The following CAMTA1 variants were observed in gnomAD, a reference collection of about 807,000 sequenced individuals.
CAMTA1 encodes the protein calmodulin binding transcription activator 1.
In CAMTA1, 27 loss-of-function variants were observed where a neutral mutation model predicts 170.9. The ratio of observed to expected loss-of-function variants is 0.16; its 90% confidence interval spans 0.12 to 0.22. CAMTA1 has a LOEUF of 0.22. Ranked by LOEUF, CAMTA1 falls within the 10% of genes least tolerant of loss-of-function variation. The pLI, the probability that CAMTA1 is intolerant of heterozygous loss-of-function variation, is 1.00. For synonymous variants in CAMTA1, 833 were observed against 891.5 expected (o/e 0.93, Z 1.17); for missense variants, 1,619 against 2,217.2 (o/e 0.73, Z 5.42).
At chr1:7,282,717 G>A (rs1671694860) in intron 5 of CAMTA1, among the ~76,000 whole-genome samples, 1 of 152,154 alleles carries the variant, frequency 6.6e-6, no homozygotes, top group South Asian at 2.1e-4. Context: ...AGCCTGCAGT[G>A]AGGGAGGGAA....
Position 7,673,944 on chromosome 1 carries a change from A to G in CAMTA1, c.2779+2907A>G, listed in dbSNP as rs2096085668. Among the ~76,000 whole-genome samples the G allele has an allele frequency of 2.0e-5, 3 of 152,216 alleles. No homozygotes were observed. Among genetic ancestry groups the G allele is most frequent in the African/African-American group, 7.2e-5 (3 of 41,538 alleles). ...GGGCTCTCGGTCCAGGGAGGAGTGC[A>G]GTGCGCAAATGAATCACTGCTCCGG... On this transcript the variant is annotated intron_variant, in intron 10 of 22. Transcript: ENST00000303635. This position sits in a 1 kb window ranked among gnomAD's most constrained non-coding sequence, Gnocchi z 4.6.
chr1:7,204,506 T>C (rs1285379914), intron 4 of CAMTA1, among the ~76,000 whole-genome samples: 2 of 152,198 alleles, frequency 1.3e-5, no homozygotes, highest in Non-Finnish European at 2.9e-5. Context: ...AATTTCATTG[T>C]CATTAGAAGA....
intron 3 of CAMTA1, among the ~76,000 whole-genome samples, chr1:6,978,991 C>T (rs1244172075): frequency 1.3e-5 from 2 of 152,134 alleles, no homozygotes; most frequent in Non-Finnish European, 2.9e-5. Flanking sequence ...CTGGGGAGCT[C>T]GCTCTCCCTT....
intron 5 of CAMTA1, among the ~76,000 whole-genome samples, chr1:7,413,906 C>G (rs955736746): frequency 2.0e-5 from 3 of 152,180 alleles, no homozygotes; most frequent in Non-Finnish European, 4.4e-5. Context: ...TCATAGATAA[C>G]TCTTATGATT....
chr1:6,870,040 CATAGAG>C (rs1186962334), intron 3 of CAMTA1, among the ~76,000 whole-genome samples: 4 of 152,178 alleles, frequency 2.6e-5, no homozygotes, highest in Non-Finnish European at 5.9e-5. Flanking sequence ...GAAGGAGGTA[CATAGAG>C]ATAATTGATT....
chr1:7,038,678 A>AGG (rs1418412310), intron 3 of CAMTA1, among the ~76,000 whole-genome samples: 1 of 152,218 alleles, frequency 6.6e-6, no homozygotes, highest in Non-Finnish European at 1.5e-5. Flanking sequence ...TAGAGTTCAC[A>AGG]GTTTGTTCAT....
intron 11 of CAMTA1, among the ~76,000 whole-genome samples, chr1:7,729,323 T>G (rs1188382769): frequency 1.3e-5 from 2 of 152,270 alleles, no homozygotes; most frequent in East Asian, 3.9e-4. Context: ...TTTCACCATG[T>G]TGGCCAGGCT....
At position 7,733,021 on chromosome 1, in the gene CAMTA1, CTG is replaced by C. The variant is rs200277300; in HGVS notation, c.3066+424_3066+425del. Among the ~76,000 whole-genome samples the C allele has an allele frequency of 9.4e-3, 1,427 of 152,128 alleles. 16 individuals are homozygous for C. The highest frequency in any genetic ancestry group is 0.032 in the African/African-American group (1,320 of 41,474). On this transcript the variant is annotated intron_variant, in intron 12 of 22. Transcript: ENST00000303635. Reference sequence around the variant, plus strand: ...CCAGCCTGAGCAACATACTGAGACCCTGTCTCTATAGAAAAAAAAAATTTTTT... The same window carrying C: ...CCAGCCTGAGCAACATACTGAGACCCTCTCTATAGAAAAAAAAAATTTTTT...
chr1:7,710,876 A>T (rs2096565526), intron 11 of CAMTA1, among the ~76,000 whole-genome samples: 1 of 152,124 alleles, frequency 6.6e-6, no homozygotes, highest in Admixed American at 6.5e-5. Context: ...CTGTAGTTCC[A>T]GGAAATGTCT....
chr1:7,736,310 T>G lies in CAMTA1; in HGVS notation c.3067-34T>G. The G allele has an allele frequency of 6.3e-7, 1 of 1,599,914 alleles. No individual in the cohort carries two copies. The highest frequency in any genetic ancestry group is 8.5e-7 in the Non-Finnish European group (1 of 1,171,194). ...CGCTGATGGGGTCGAGGGCCTTTAG[T>G]CCTGAGGTCGTAACGTGCGCTTTTT... On this transcript the variant is annotated intron_variant, in intron 12 of 22. Coordinates refer to ENST00000303635, the MANE Select transcript of CAMTA1 (RefSeq NM_015215.4). This position sits in a 1 kb window ranked among gnomAD's most constrained non-coding sequence, Gnocchi z 4.5.
chr1:6,924,386 C>T (rs991218081), intron 3 of CAMTA1, among the ~76,000 whole-genome samples: 6 of 152,014 alleles, frequency 3.9e-5, no homozygotes, highest in African/African-American at 9.7e-5. Context: ...GCTTGCTGAG[C>T]GGACCTTGAG....
intron 6 of CAMTA1, among the ~76,000 whole-genome samples, chr1:7,600,776 T>C (rs2095434324): frequency 1.3e-5 from 2 of 152,000 alleles, no homozygotes; most frequent in Non-Finnish European, 2.9e-5. Flanking sequence ...ACAGCACATG[T>C]TTCAGAGAGC....
chr1:6,847,827 C>G (rs1232109387), intron 3 of CAMTA1, among the ~76,000 whole-genome samples: 1 of 151,810 alleles, frequency 6.6e-6, no homozygotes, highest in African/African-American at 2.4e-5. Context: ...TCTCAGCCTC[C>G]TGAGTAGCTG....
intron 7 of CAMTA1, among the ~76,000 whole-genome samples, chr1:7,643,379 G>A (rs140882157): frequency 2.6e-5 from 4 of 152,242 alleles, no homozygotes; most frequent in Non-Finnish European, 5.9e-5. Flanking sequence ...AGCCAAGGAG[G>A]TTCTCCCAAG....
chr1:6,881,385 A>G (rs915872472), intron 3 of CAMTA1, among the ~76,000 whole-genome samples: 4 of 152,214 alleles, frequency 2.6e-5, no homozygotes, highest in African/African-American at 9.7e-5. Context: ...TGAAGGAAGC[A>G]ACACCGTGAC....
intron 1 of CAMTA1, among the ~76,000 whole-genome samples, chr1:6,802,741 T>TC (rs1491557053): frequency 9.8e-5 from 13 of 133,292 alleles, no homozygotes; most frequent in African/African-American, 3.4e-4. Context: ...TCTCTCTCTC[T>TC]TTTTTTTTTT....
intron 5 of CAMTA1, among the ~76,000 whole-genome samples, chr1:7,428,657 AC>A (rs1312212470): frequency 1.3e-5 from 2 of 150,730 alleles, no homozygotes; most frequent in Non-Finnish European, 3.0e-5. Flanking sequence ...TCTTCCTCTG[AC>A]CCCCCACACT....
At chr1:7,617,912 G>A (rs1026619780) in intron 6 of CAMTA1, among the ~76,000 whole-genome samples, 2 of 152,128 alleles carry the variant, frequency 1.3e-5, no homozygotes, top group African/African-American at 4.8e-5. Context: ...TTCAACACAG[G>A]AAGCTACTCA....
intron 5 of CAMTA1, among the ~76,000 whole-genome samples, chr1:7,263,595 G>A (rs1005113047): frequency 1.3e-5 from 2 of 152,106 alleles, no homozygotes; most frequent in South Asian, 2.1e-4. Context: ...CTCACCCCTG[G>A]TATTGAGTGC....
Sources: allele counts gnomAD v4.1 joint callset (sites outside exome capture counted in the v4.1 genomes callset), GRCh38; gene constraint gnomAD v4.1.1; non-coding constraint Gnocchi (gnomAD v3.1); transcripts MANE v1.5; gene names NCBI Gene and HGNC (gene_info 2026-07-23, HGNC 2026-07-21).